The following CACNA2D1 variants were observed in gnomAD, a reference collection of about 807,000 sequenced individuals.
CACNA2D1 encodes the protein calcium voltage-gated channel auxiliary subunit alpha2delta 1.
CACNA2D1 carries 53 observed loss-of-function variants against 171.5 expected under a neutral mutation model. The observed-to-expected ratio is 0.31, with a 90% CI of 0.25 to 0.39. CACNA2D1 has a LOEUF of 0.39. Ranked by LOEUF, CACNA2D1 falls within the 10% of genes least tolerant of loss-of-function variation. The probability of loss-of-function intolerance (pLI) is 1.00; values close to 1 mark genes in which losing one functional copy is unlikely to be tolerated. For synonymous variants in CACNA2D1, 442 were observed against 443.1 expected (o/e 1.00, Z 0.03); for missense variants, 903 against 1,299.8 (o/e 0.69, Z 4.69).
chr7:82,075,908 T>C (rs546319745), intron 7 of CACNA2D1, among the ~76,000 whole-genome samples: 2 of 152,176 alleles, frequency 1.3e-5, no homozygotes, highest in African/African-American at 2.4e-5. Context: ...AGATATATCT[T>C]AGAAGTTGAA....
At chr7:82,086,707 C>T (rs1810521883) in intron 6 of CACNA2D1, among the ~76,000 whole-genome samples, 1 of 152,020 alleles carries the variant, frequency 6.6e-6, no homozygotes, top group South Asian at 2.1e-4. Flanking sequence ...TCATTAATCC[C>T]CAATCTATTC....
intron 3 of CACNA2D1, among the ~76,000 whole-genome samples, chr7:82,268,181 A>G (rs1306089581): frequency 1.3e-5 from 2 of 152,234 alleles, no homozygotes; most frequent in African/African-American, 4.8e-5. Flanking sequence ...ACACAAAAGT[A>G]TTTGCGAAAT....
At chr7:81,956,273 C>T (rs941468133) in intron 38 of CACNA2D1, among the ~76,000 whole-genome samples, 1 of 151,656 alleles carries the variant, frequency 6.6e-6, no homozygotes, top group African/African-American at 2.4e-5. Context: ...TGCACCCAGC[C>T]GTTGCTATAA....
chr7:82,154,164 C>T (rs1030747076), intron 4 of CACNA2D1, among the ~76,000 whole-genome samples: 6 of 151,980 alleles, frequency 3.9e-5, no homozygotes, highest in African/African-American at 1.2e-4. Flanking sequence ...GAAAAAGATG[C>T]TTCACATAAC....
In CACNA2D1 at chr7:81,948,225, G is replaced by A. The variant is rs750187388; in HGVS notation, c.*2167C>T. On this transcript the variant is annotated 3_prime_UTR_variant, in exon 39 of 39. Coordinates refer to ENST00000356860, the MANE Select transcript of CACNA2D1 (RefSeq NM_000722.4). Reference sequence around the variant, plus strand: ...CACTATCATGATTTAAGATAGTCTAGCAAAAATTGAACAATAACTTTTAAA... The same window carrying A: ...CACTATCATGATTTAAGATAGTCTAACAAAAATTGAACAATAACTTTTAAA... 1 of 151,734 alleles carries A rather than the reference G, an allele frequency of 6.6e-6. No individual in the cohort carries two copies. The highest frequency in any genetic ancestry group is 1.5e-5 in the Non-Finnish European group (1 of 67,810). 9.4% of individuals were successfully genotyped at this position (151,734 alleles called of 1,614,324 possible). A position where few individuals can be genotyped will look rare whatever the true frequency, so the allele number is the denominator to read the frequency against.
At position 81,959,962 on chromosome 7, in the gene CACNA2D1, A is replaced by T. The variant is rs936361626; in HGVS notation, c.2967-133T>A. Reference sequence around the variant, plus strand: ...AAACAGAAACCATTCCCAGCACAATAGGAGTATGATTTTAGAAGAAAAAAA... The same window carrying T: ...AAACAGAAACCATTCCCAGCACAATTGGAGTATGATTTTAGAAGAAAAAAA... On this transcript the variant is annotated intron_variant, in intron 36 of 38. Transcript: ENST00000356860. The T allele has an allele frequency of 7.3e-6, 10 of 1,363,026 alleles. No individual in the cohort carries two copies. In the Middle Eastern group the frequency reaches 1.0e-3, roughly 139 times the overall value. 84.4% of individuals were successfully genotyped at this position (1,363,026 alleles called of 1,614,324 possible).
intron 1 of CACNA2D1, among the ~76,000 whole-genome samples, chr7:82,364,170 C>T (rs1220077316): frequency 6.6e-6 from 1 of 152,098 alleles, no homozygotes. Context: ...CTGCAGTGAG[C>T]AGAGATCATG....
intron 5 of CACNA2D1, among the ~76,000 whole-genome samples, chr7:82,118,407 A>T (rs1789325489): frequency 6.6e-6 from 1 of 152,192 alleles, no homozygotes; most frequent in Non-Finnish European, 1.5e-5. Context: ...AGTTAAGTAA[A>T]AGTGAAAAGA....
intron 3 of CACNA2D1, among the ~76,000 whole-genome samples, chr7:82,319,620 CA>C (rs1815565096): frequency 6.6e-6 from 1 of 152,088 alleles, no homozygotes; most frequent in Admixed American, 6.6e-5. Context: ...GTGGCACAGG[CA>C]GTAAGATATA....
At chr7:82,254,111 G>A (rs1263074029) in intron 3 of CACNA2D1, among the ~76,000 whole-genome samples, 1 of 152,062 alleles carries the variant, frequency 6.6e-6, no homozygotes, top group African/African-American at 2.4e-5. Flanking sequence ...ATCATTAAAA[G>A]TTTTAAAAGA....
intron 10 of CACNA2D1, among the ~76,000 whole-genome samples, chr7:82,052,845 A>G (rs959553843): frequency 6.6e-6 from 1 of 152,110 alleles, no homozygotes; most frequent in Non-Finnish European, 1.5e-5. Flanking sequence ...AATTGCTAAG[A>G]CTTTTTCTAC....
At chr7:82,201,786 G>A (rs1450985757) in intron 3 of CACNA2D1, among the ~76,000 whole-genome samples, 1 of 152,200 alleles carries the variant, frequency 6.6e-6, no homozygotes, top group Non-Finnish European at 1.5e-5. Flanking sequence ...GACTGATTTT[G>A]TAGTGCAGTT....
intron 36 of CACNA2D1, among the ~76,000 whole-genome samples, chr7:81,960,886 G>C (rs536457439): frequency 6.6e-6 from 1 of 151,824 alleles, no homozygotes. Context: ...TTTTTTCTGA[G>C]TTCATGCTTG....
At chr7:82,335,338 A>G in intron 2 of CACNA2D1, 87 bp from the exon 3 acceptor site, 4 of 801,938 alleles carry the variant, frequency 5.0e-6, no homozygotes, top group Non-Finnish European at 8.7e-6. Flanking sequence ...AAAACTATAA[A>G]CAACTGATTA....
chr7:82,326,794 T>G lies in CACNA2D1; in HGVS notation c.294+8341A>C, dbSNP rs752355488. On this transcript the variant is annotated intron_variant, in intron 3 of 38. Transcript: ENST00000356860. ...AAATGTCTACTACTTACTTGAACTC[T>G]TATTTCTTGACCATTATCAGATCCT... 1.2e-4 allele frequency among the ~76,000 whole-genome samples: 14 copies of G among 116,540 alleles called. 2 individuals are homozygous for G. Among genetic ancestry groups the G allele is most frequent in the Non-Finnish European group, 2.3e-4 (11 of 48,202 alleles). 76.5% of individuals were successfully genotyped at this position (116,540 alleles called of 152,430 possible).
chr7:81,990,033 T>C (rs1052261756), intron 21 of CACNA2D1, among the ~76,000 whole-genome samples: 6 of 152,122 alleles, frequency 3.9e-5, no homozygotes, highest in African/African-American at 4.8e-5. Context: ...GACTTGACAC[T>C]GTAAGAGCTG....
chr7:82,357,537 A>G (rs540867333), intron 1 of CACNA2D1, among the ~76,000 whole-genome samples: 26 of 152,250 alleles, frequency 1.7e-4, no homozygotes, highest in African/African-American at 5.8e-4. Flanking sequence ...TTTGATGTGG[A>G]TAAGTCCTCT....
intron 24 of CACNA2D1, among the ~76,000 whole-genome samples, chr7:81,981,342 G>C (rs141178117): frequency 8.8e-4 from 134 of 152,260 alleles, no homozygotes; most frequent in African/African-American, 3.1e-3. Flanking sequence ...CACTGTCAAA[G>C]GACAGCGTGA....
At chr7:82,075,420 T>C (rs1464829915) in intron 7 of CACNA2D1, among the ~76,000 whole-genome samples, 1 of 152,178 alleles carries the variant, frequency 6.6e-6, no homozygotes, top group Non-Finnish European at 1.5e-5. Context: ...TGTCCCATAA[T>C]GCAGTCATTA....
Sources: gnomAD v4.1 joint callset for allele counts (sites outside exome capture counted in the v4.1 genomes callset) on GRCh38, gnomAD v4.1.1 for gene constraint, MANE v1.5 for transcripts, NCBI Gene and HGNC (gene_info 2026-07-23, HGNC 2026-07-21) for gene names.